TAOK1: variants seen among roughly 807,000 people sequenced by gnomAD.
The protein encoded by TAOK1 is TAO kinase 1.
TAOK1 carries 21 observed loss-of-function variants against 138.3 expected under a neutral mutation model. The ratio of observed to expected loss-of-function variants is 0.15; its 90% CI spans 0.11 to 0.22. TAOK1 has a LOEUF of 0.22. Ranked by LOEUF, TAOK1 falls within the 10% of genes least tolerant of loss-of-function variation. The pLI is 1.00. For synonymous variants in TAOK1, 361 were observed against 398.4 expected (o/e 0.91, Z 1.12); for missense variants, 651 against 1,227.7 (o/e 0.53, Z 7.02).
chr17:29,400,195 A>C (rs1452870243), intron 1 of TAOK1, among the ~76,000 whole-genome samples: 3 of 151,974 alleles, frequency 2.0e-5, no homozygotes, highest in Non-Finnish European at 4.4e-5. Flanking sequence ...GGAGTTCAAG[A>C]CCATCCTGGC....
rs1340775799 is a variant in TAOK1 at position 29,547,402 on chromosome 17, G to GT, written c.*4381dup. 2 of 152,050 alleles carry GT rather than the reference G, an allele frequency of 1.3e-5. No homozygotes were observed. Among genetic ancestry groups the GT allele is most frequent in the Non-Finnish European group, 2.9e-5 (2 of 67,974 alleles). The allele number at this position is 152,050 out of a possible 1,614,324, so 9.4% of individuals were successfully genotyped here. A position where few individuals can be genotyped will look rare whatever the true frequency, so the allele number is the denominator to read the frequency against. ...ACCTGCCTCTTCTTGCTTGCTAATAGTAAGTTCTTTGTGCACCTTCCACCA... is the reference window on the plus strand; with the variant it reads ...ACCTGCCTCTTCTTGCTTGCTAATAGTTAAGTTCTTTGTGCACCTTCCACCA... On this transcript the variant is annotated 3_prime_UTR_variant, in exon 20 of 20. Coordinates refer to ENST00000261716, the MANE Select transcript of TAOK1 (RefSeq NM_020791.4).
In TAOK1 at chr17:29,522,470, T is replaced by G. The variant is rs1365982898; in HGVS notation, c.2099T>G (p.Leu700Arg). The G allele has an allele frequency of 6.2e-7, 1 of 1,614,032 alleles. No homozygotes were observed. Among genetic ancestry groups the G allele is most frequent in the African/African-American group, 1.3e-5 (1 of 74,918 alleles). ...TATAATAAGCGAAGAGAACGAGAAC[T>G]AAGACGAAAGCATGTCATGGAAGTT... ...LEYNKRRERELRRKHVMEVRQ... is the reference protein window; with the variant it reads ...LEYNKRRERERRRKHVMEVRQ... Residue 700 changes from leucine (L) to arginine (R), a missense_variant, in exon 17 of 20, where the codon CTA becomes CGA. By Grantham distance (102) the Leu-to-Arg change is moderately radical. Transcript: ENST00000261716.
chr17:29,481,486 G>C (rs1397260209), intron 7 of TAOK1, among the ~76,000 whole-genome samples: 1 of 151,684 alleles, frequency 6.6e-6, no homozygotes, highest in Non-Finnish European at 1.5e-5. Flanking sequence ...CACTGTGCCT[G>C]GCCAAAAAAT....
intron 10 of TAOK1, among the ~76,000 whole-genome samples, chr17:29,493,616 G>T (rs1487523669): frequency 1.3e-5 from 2 of 152,036 alleles, no homozygotes; most frequent in Admixed American, 6.5e-5. Context: ...TAGATCCTAA[G>T]TCTGCATATA....
At chr17:29,541,487 A>G (rs2032315781) in intron 19 of TAOK1, among the ~76,000 whole-genome samples, 1 of 151,768 alleles carries the variant, frequency 6.6e-6, no homozygotes, top group African/African-American at 2.4e-5. Context: ...TTTTAAATGC[A>G]TGTCTAAATT....
chr17:29,493,742 G>A (rs1400149381), intron 10 of TAOK1, among the ~76,000 whole-genome samples: 1 of 151,828 alleles, frequency 6.6e-6, no homozygotes, highest in East Asian at 1.9e-4. Context: ...TTCTGTTGCA[G>A]TCTATCATAA....
rs889680856 is a variant in TAOK1, at chr17:29,544,027, T to C, written c.*1005T>C. The C allele has an allele frequency of 3.3e-4, 50 of 152,616 alleles. No homozygotes were observed. Among genetic ancestry groups the C allele is most frequent in the African/African-American group, 1.2e-3 (48 of 41,440 alleles). 9.5% of individuals were successfully genotyped at this position (152,616 alleles called of 1,614,324 possible). On this transcript the variant is annotated 3_prime_UTR_variant, in exon 20 of 20. Coordinates refer to ENST00000261716, the MANE Select transcript of TAOK1 (RefSeq NM_020791.4). ...TGCCCAAGACCCCAAACAGTACTTT[T>C]ACTTTGTTTGTACAAAAACAAAGAC...
intron 2 of TAOK1, among the ~76,000 whole-genome samples, chr17:29,457,832 C>T (rs148702340): frequency 2.3e-3 from 350 of 152,098 alleles, no homozygotes; most frequent in Non-Finnish European, 3.8e-3. Context: ...AACAAAAGGC[C>T]AGGCACGGTG....
At chr17:29,422,235 G>A (rs923051585) in intron 1 of TAOK1, among the ~76,000 whole-genome samples, 13 of 148,170 alleles carry the variant, frequency 8.8e-5, no homozygotes, top group Non-Finnish European at 1.5e-4. Context: ...ATGGAGTCTC[G>A]CTCTGTCGCC....
At chr17:29,417,268 G>C (rs1905287894) in intron 1 of TAOK1, among the ~76,000 whole-genome samples, 1 of 152,180 alleles carries the variant, frequency 6.6e-6, no homozygotes, top group African/African-American at 2.4e-5. Context: ...ACCTGCCTCA[G>C]CCTCCCTAAG....
chr17:29,510,833 A>C (rs781381062), intron 14 of TAOK1, 31 bp from the exon 15 acceptor site: 51 of 1,511,230 alleles, frequency 3.4e-5, no homozygotes, highest in Non-Finnish European at 4.4e-5. Flanking sequence ...CTACTTAACT[A>C]AATTTGATTC....
At chr17:29,430,607 T>C (rs1220271798) in intron 1 of TAOK1, among the ~76,000 whole-genome samples, 1 of 152,186 alleles carries the variant, frequency 6.6e-6, no homozygotes, top group African/African-American at 2.4e-5. Flanking sequence ...TCTGGTCCTT[T>C]TGTTACTTAG....
intron 6 of TAOK1, chr17:29,480,132 TA>T: frequency 3.5e-6 from 1 of 283,802 alleles, no homozygotes; most frequent in Non-Finnish European, 6.5e-6. Flanking sequence ...AATTTTTTTT[TA>T]CTGCTATTTG....
chr17:29,453,308 C>A (rs1283770917), intron 2 of TAOK1, among the ~76,000 whole-genome samples: 1 of 149,666 alleles, frequency 6.7e-6, no homozygotes, highest in Non-Finnish European at 1.5e-5. Context: ...TACAGGCGCC[C>A]ACCACCACGC....
Position 29,428,791 on chromosome 17 carries a change from A to AT in TAOK1, c.-94-22649dup, listed in dbSNP as rs5819868. On this transcript the variant is annotated intron_variant, in intron 1 of 19. Coordinates refer to ENST00000261716, the MANE Select transcript of TAOK1 (RefSeq NM_020791.4). ...GTTGCGCACCACAACACCTGACTAA[A>AT]TTTTTTTTTTTTTTTCTGTAGAGAC... Among the ~76,000 whole-genome samples the AT allele has an allele frequency of 1.4e-3, 207 of 144,668 alleles. 2 individuals carry two copies. The highest frequency in any genetic ancestry group is 6.3e-3 in the South Asian group (28 of 4,472). 94.9% of individuals were successfully genotyped at this position (144,668 alleles called of 152,430 possible).
rs184257043 is a variant in TAOK1, at chr17:29,486,803, C to T, written c.656-2861C>T. Among the ~76,000 whole-genome samples the T allele has an allele frequency of 9.9e-5, 15 of 152,106 alleles. No homozygotes were observed. In the East Asian group the frequency reaches 2.3e-3, roughly 23 times the overall value. ...GATATGTTCTAGTTTGATATATTGA[C>T]GGTATACCATTTAAAAGGCTTGGTG... On this transcript the variant is annotated intron_variant, in intron 8 of 19. Transcript: ENST00000261716.
chr17:29,428,753 C>T (rs181476213), intron 1 of TAOK1, among the ~76,000 whole-genome samples: 89 of 151,378 alleles, frequency 5.9e-4, no homozygotes, highest in African/African-American at 2.0e-3. Context: ...CCTCCCAAGT[C>T]GCTGGGACTG....
intron 12 of TAOK1, 82 bp from the exon 13 acceptor site, chr17:29,502,507 G>A: frequency 3.5e-6 from 5 of 1,428,322 alleles, no homozygotes; most frequent in Non-Finnish European, 3.8e-6. Context: ...GATTGATCAA[G>A]TTGTCTTTAA....
rs1432806825 is a variant in TAOK1 at position 29,491,879 on chromosome 17, TAGTTTATTTATTTATTTTATTTTAA to T, written c.831+15_831+39del. On this transcript the variant is annotated intron_variant, in intron 10 of 19. Transcript: ENST00000261716. ...GAACTTTTAAAGGTCAGTTCTATTA[TAGTTTATTTATTTATTTTATTTTAA>T]GACAAGGCCTCACTTTGTCACCCAG... The T allele has an allele frequency of 1.0e-5, 16 of 1,575,716 alleles. No individual in the cohort carries two copies. Among genetic ancestry groups the T allele is most frequent in the Non-Finnish European group, 1.4e-5 (16 of 1,150,882 alleles).
Sources: allele counts gnomAD v4.1 joint callset (sites outside exome capture counted in the v4.1 genomes callset), GRCh38; gene constraint gnomAD v4.1.1; transcripts MANE v1.5; gene names NCBI Gene and HGNC (gene_info 2026-07-23, HGNC 2026-07-21).